Variants in PRELID2 observed in about 807,000 individuals in gnomAD.
PRELID2 encodes the protein PRELI domain-containing protein 2.
In PRELID2, 25 loss-of-function variants were observed where a neutral mutation model predicts 28.4. The observed-to-expected ratio is 0.88, with a 90% CI of 0.64 to 1.23. The LOEUF (loss-of-function observed/expected upper bound fraction) is 1.23. Among genes scored for constraint, PRELID2 ranks in the 50% most tolerant of loss-of-function variants. The pLI is 0.00. For missense variants in PRELID2, 201 were observed against 214.4 expected, an observed-to-expected ratio of 0.94 and a Z score of 0.39; for synonymous variants, 76 against 71.6, an observed-to-expected ratio of 1.06 and a Z score of -0.31.
At chr5:145,370,548 G>A in the PRELID2 span, among the ~76,000 whole-genome samples, 2 of 152,040 alleles carry the variant, frequency 1.3e-5, no homozygotes, top group African/African-American at 4.8e-5. Flanking sequence ...TTTGAAGTCA[G>A]GTAGCATGAT....
At chr5:145,279,276 T>C in the PRELID2 span, among the ~76,000 whole-genome samples, 1 of 152,188 alleles carries the variant, frequency 6.6e-6, no homozygotes, top group Non-Finnish European at 1.5e-5. Flanking sequence ...CCAGACATCA[T>C]TGCCAGGTTT....
chr5:145,561,599 G>A (rs1364236419), intron 1 of PRELID2, among the ~76,000 whole-genome samples: 1 of 152,142 alleles, frequency 6.6e-6, no homozygotes, highest in East Asian at 1.9e-4. Context: ...CCTTGACAGA[G>A]GACAATTAGG....
At chr5:145,289,461 C>G in the PRELID2 span, among the ~76,000 whole-genome samples, 1 of 152,120 alleles carries the variant, frequency 6.6e-6, no homozygotes, top group Non-Finnish European at 1.5e-5. Flanking sequence ...AAATAACATT[C>G]TGGTGTATGG....
At chr5:145,456,042 T>C in the PRELID2 span, among the ~76,000 whole-genome samples, 1 of 152,208 alleles carries the variant, frequency 6.6e-6, no homozygotes, top group Admixed American at 6.5e-5. Flanking sequence ...ATATCTTACC[T>C]TGGTCTCAAG....
the PRELID2 span, among the ~76,000 whole-genome samples, chr5:145,270,337 A>G: frequency 2.1e-4 from 32 of 152,272 alleles, no homozygotes; most frequent in African/African-American, 7.0e-4. Flanking sequence ...GGTGTGCATC[A>G]ATGAAAGAAT....
At chr5:145,563,977 C>T (rs780247450) in intron 1 of PRELID2, among the ~76,000 whole-genome samples, 53 of 152,192 alleles carry the variant, frequency 3.5e-4, no homozygotes, top group Non-Finnish European at 5.7e-4. Flanking sequence ...AATTCACCGA[C>T]TGTCAAAGTC....
intron 1 of PRELID2, among the ~76,000 whole-genome samples, chr5:145,504,797 C>T (rs1752391679): frequency 1.3e-5 from 2 of 152,140 alleles, no homozygotes; most frequent in East Asian, 1.9e-4. Context: ...ACTTCATTTG[C>T]ATATAACTTA....
chr5:145,376,627 G>C, the PRELID2 span, among the ~76,000 whole-genome samples: 1 of 152,148 alleles, frequency 6.6e-6, no homozygotes, highest in Non-Finnish European at 1.5e-5. Flanking sequence ...TTAAGAGGCT[G>C]TATGAATCCA....
chr5:145,771,023 T>A (rs62392329), intron 5 of PRELID2, among the ~76,000 whole-genome samples: 1,832 of 152,188 alleles, frequency 0.012, 14 homozygotes, highest in Middle Eastern at 0.027. Flanking sequence ...TCCAGTAAAG[T>A]CCCATGCCTT....
intron 1 of PRELID2, among the ~76,000 whole-genome samples, chr5:145,638,969 T>C (rs1200390398): frequency 6.6e-6 from 1 of 152,180 alleles, no homozygotes; most frequent in African/African-American, 2.4e-5. Context: ...TAGAGTAAAA[T>C]AGTGTTTTAG....
At chr5:145,693,880 G>A (rs770249950) in intron 1 of PRELID2, among the ~76,000 whole-genome samples, 22 of 152,166 alleles carry the variant, frequency 1.4e-4, no homozygotes, top group Non-Finnish European at 2.6e-4. Context: ...TATAACAGTT[G>A]GGAAGATGGT....
At chr5:145,405,700 TTG>T in the PRELID2 span, among the ~76,000 whole-genome samples, 4,406 of 51,290 alleles carry the variant, frequency 0.086, 201 homozygotes, top group Admixed American at 0.16. Context: ...TACCACATAG[TTG>T]TTTTTTTTTT....
the PRELID2 span, among the ~76,000 whole-genome samples, chr5:145,411,573 A>G: frequency 6.6e-6 from 1 of 152,140 alleles, no homozygotes; most frequent in Admixed American, 6.6e-5. Context: ...AGCTGCTTTC[A>G]TGGGCTGACA....
chr5:145,703,720 T>G (rs189236979), intron 1 of PRELID2, among the ~76,000 whole-genome samples: 164 of 152,208 alleles, frequency 1.1e-3, no homozygotes, highest in African/African-American at 3.8e-3. Context: ...GTTCAAGATA[T>G]AGTTAGAGGG....
At chr5:145,252,687 G>T in the PRELID2 span, among the ~76,000 whole-genome samples, 6 of 151,970 alleles carry the variant, frequency 3.9e-5, no homozygotes, top group African/African-American at 1.4e-4. Flanking sequence ...TTAGATCAAA[G>T]AAATAACCCA....
the PRELID2 span, among the ~76,000 whole-genome samples, chr5:145,380,475 C>T: frequency 6.6e-6 from 1 of 152,180 alleles, no homozygotes; most frequent in African/African-American, 2.4e-5. Context: ...CTAAATGCCC[C>T]CATGTGGCAT....
intron 1 of PRELID2, among the ~76,000 whole-genome samples, chr5:145,656,044 C>A (rs970246947): frequency 1.3e-5 from 2 of 152,028 alleles, no homozygotes; most frequent in African/African-American, 4.8e-5. Flanking sequence ...AGAACTCAAA[C>A]AAATTTATGA....
chr5:145,674,541 G>T (rs1215234108), intron 1 of PRELID2, among the ~76,000 whole-genome samples: 2 of 152,186 alleles, frequency 1.3e-5, no homozygotes, highest in Non-Finnish European at 2.9e-5. Flanking sequence ...AAAGATGAAT[G>T]TTTTAATAAG....
chr5:145,713,058 C>A (rs148015141), intron 1 of PRELID2, among the ~76,000 whole-genome samples: 4 of 151,354 alleles, frequency 2.6e-5, no homozygotes, highest in Non-Finnish European at 4.4e-5. Context: ...CATAGAACTG[C>A]GGGACAATAT....
Sources: allele counts gnomAD v4.1 joint callset (sites outside exome capture counted in the v4.1 genomes callset), GRCh38; gene constraint gnomAD v4.1.1; transcripts MANE v1.5; gene names NCBI Gene and HGNC (gene_info 2026-07-23, HGNC 2026-07-21).